Variants in KAZN observed in about 807,000 individuals in gnomAD.
KAZN encodes the protein kazrin.
In KAZN, 40 loss-of-function variants were observed where a neutral mutation model predicts 87.4. The observed-to-expected ratio is 0.46, with a 90% CI of 0.36 to 0.60. The LOEUF is 0.60. KAZN is among the 20% of genes least tolerant of loss of function. KAZN has a pLI of 0.00. For synonymous variants in KAZN, 466 were observed against 458.3 expected (o/e 1.02, Z -0.22); for missense variants, 898 against 1,073.9 (o/e 0.84, Z 2.29).
intron 1 of KAZN, among the ~76,000 whole-genome samples, chr1:14,682,764 G>T (rs1640747180): frequency 6.6e-6 from 1 of 152,112 alleles, no homozygotes; most frequent in African/African-American, 2.4e-5. Context: ...ATATTTACCT[G>T]TTAATGCTCA....
upstream of KAZN, among the ~76,000 whole-genome samples, chr1:14,594,785 A>G (rs1379667495): frequency 6.6e-6 from 1 of 152,192 alleles, no homozygotes; most frequent in African/African-American, 2.4e-5. Flanking sequence ...GTAAACGCCT[A>G]TCAGCCCCCA....
chr1:14,529,510 T>C (rs1232287595), intron 2 of KAZN, among the ~76,000 whole-genome samples: 3 of 152,170 alleles, frequency 2.0e-5, no homozygotes, highest in African/African-American at 7.2e-5. Context: ...GCACTTTGTG[T>C]GAGAGAAGAG....
chr1:13,959,859 C>T (rs1018985329), intron 1 of KAZN, among the ~76,000 whole-genome samples: 6 of 152,176 alleles, frequency 3.9e-5, no homozygotes, highest in African/African-American at 1.4e-4. Flanking sequence ...GCCCAACACC[C>T]TCCGTGGCTT....
intron 2 of KAZN, among the ~76,000 whole-genome samples, chr1:14,227,354 G>T (rs538842345): frequency 2.0e-5 from 3 of 152,260 alleles, no homozygotes; most frequent in East Asian, 3.9e-4. Context: ...GATGTCTGGG[G>T]CCTCTTTGGG....
intron 1 of KAZN, among the ~76,000 whole-genome samples, chr1:14,905,856 ATAAT>A (rs1269951618): frequency 6.8e-6 from 1 of 146,832 alleles, no homozygotes; most frequent in Non-Finnish European, 1.5e-5. Flanking sequence ...AATAATAATA[ATAAT>A]AATAATAATA....
chr1:14,399,264 G>A (rs751433181), intron 2 of KAZN, among the ~76,000 whole-genome samples: 30 of 151,900 alleles, frequency 2.0e-4, no homozygotes, highest in Admixed American at 1.3e-4. Flanking sequence ...TGATCCTCCC[G>A]CCTCAGCCTC....
intron 2 of KAZN, among the ~76,000 whole-genome samples, chr1:14,356,808 A>G (rs1045481714): frequency 1.3e-5 from 2 of 152,116 alleles, no homozygotes; most frequent in Admixed American, 1.3e-4. Context: ...TACTGGTACC[A>G]TGCTGTTTTG....
intron 1 of KAZN, among the ~76,000 whole-genome samples, chr1:14,837,161 A>C (rs1286962884): frequency 6.6e-6 from 1 of 152,056 alleles, no homozygotes; most frequent in African/African-American, 2.4e-5. Context: ...TGCTTTCTTC[A>C]TTTATCATTA....
intron 1 of KAZN, among the ~76,000 whole-genome samples, chr1:14,707,320 C>T (rs1642261173): frequency 6.6e-6 from 1 of 152,156 alleles, no homozygotes; most frequent in South Asian, 2.1e-4. Context: ...AAGGCAATAA[C>T]AGATCCACTC....
At chr1:14,402,763 G>A (rs1387393218) in intron 2 of KAZN, among the ~76,000 whole-genome samples, 1 of 151,788 alleles carries the variant, frequency 6.6e-6, no homozygotes, top group Non-Finnish European at 1.5e-5. Flanking sequence ...CTATGACACT[G>A]GTGAAGAAAT....
rs189203762 is a variant in KAZN, at chr1:14,629,064, C to T, written c.226+29841C>T. 4.4e-3 allele frequency among the ~76,000 whole-genome samples: 675 copies of T among 152,174 alleles called. 8 individuals are homozygous for T. Among genetic ancestry groups the T allele is most frequent in the African/African-American group, 0.015 (611 of 41,514 alleles). On this transcript the variant is annotated intron_variant, in intron 1 of 14. Transcript: ENST00000376030. ...GTTTCACCATGTTGGCCAGGCTGGT[C>T]TTGAACTCCTGACCTCAGGCGATCC...
intron 2 of KAZN, among the ~76,000 whole-genome samples, chr1:14,269,355 G>A (rs1651746720): frequency 6.6e-6 from 1 of 152,090 alleles, no homozygotes; most frequent in Admixed American, 6.5e-5. Flanking sequence ...CTCCTAATAG[G>A]ATGGCTTCTG....
intron 2 of KAZN, among the ~76,000 whole-genome samples, chr1:14,470,623 C>G (rs1001710164): frequency 2.6e-5 from 4 of 152,156 alleles, no homozygotes; most frequent in East Asian, 1.9e-4. Flanking sequence ...TCTTGGAAAG[C>G]CTGCGTAAGT....
At chr1:14,144,784 C>T (rs981722014) in intron 1 of KAZN, among the ~76,000 whole-genome samples, 30 of 152,250 alleles carry the variant, frequency 2.0e-4, no homozygotes, top group African/African-American at 3.4e-4. Flanking sequence ...TCACATGGCA[C>T]GAAAGGAAGC....
intron 1 of KAZN, among the ~76,000 whole-genome samples, chr1:13,927,885 G>A (rs1383015751): frequency 6.6e-6 from 1 of 152,166 alleles, no homozygotes; most frequent in African/African-American, 2.4e-5. Flanking sequence ...AAAAGATATG[G>A]TCACATGAAC....
In KAZN at chr1:14,416,593, C is replaced by T. The variant is rs1205572255; in HGVS notation, c.250-182390C>T. ...CTCTAATAAAACTACAAAAATTAGCCGGGCATGGTGGTGGGCACCTGTAAT... is the reference window on the plus strand; with the variant it reads ...CTCTAATAAAACTACAAAAATTAGCTGGGCATGGTGGTGGGCACCTGTAAT... On this transcript the variant is annotated intron_variant, in intron 2 of 16. Transcript: ENST00000636203. Among the ~76,000 whole-genome samples, 6 of 151,876 alleles carry T rather than the reference C, an allele frequency of 4.0e-5. No homozygotes were observed. The East Asian group carries it at 5.8e-4, about 15-fold the overall frequency.
intron 1 of KAZN, among the ~76,000 whole-genome samples, chr1:14,829,002 A>C (rs1002300141): frequency 4.6e-5 from 7 of 152,206 alleles, no homozygotes; most frequent in African/African-American, 1.2e-4. Context: ...CCCTTGCTAC[A>C]AGAGAGGCTG....
intron 1 of KAZN, among the ~76,000 whole-genome samples, chr1:14,173,641 G>A (rs1239061073): frequency 6.6e-6 from 1 of 150,964 alleles, no homozygotes; most frequent in Non-Finnish European, 1.5e-5. Context: ...AGCAGCTGGT[G>A]GGCTTTGTAG....
intron 1 of KAZN, among the ~76,000 whole-genome samples, chr1:14,884,522 A>G (rs772878952): frequency 2.0e-5 from 3 of 152,238 alleles, no homozygotes; most frequent in Non-Finnish European, 4.4e-5. Flanking sequence ...TTTGGTGTGA[A>G]TATATGTACT....
Sources: allele counts gnomAD v4.1 joint callset (sites outside exome capture counted in the v4.1 genomes callset), GRCh38; gene constraint gnomAD v4.1.1; transcripts MANE v1.5; gene names NCBI Gene and HGNC (gene_info 2026-07-23, HGNC 2026-07-21).